The following COL21A1 variants were observed in gnomAD, a reference collection of about 807,000 sequenced individuals.
The protein encoded by COL21A1 is collagen alpha-1(XXI) chain.
COL21A1 carries 149 observed loss-of-function variants against 137.9 expected under a neutral mutation model. That is an observed-to-expected ratio of 1.08 (90% CI 0.95 to 1.24). The LOEUF is 1.24. Ranked by LOEUF, COL21A1 falls within the 50% of genes most tolerant of loss-of-function variation. The pLI is 0.00. For synonymous variants in COL21A1, 456 were observed against 391.5 expected, an observed-to-expected ratio of 1.16 and a Z score of -1.95; for missense variants, 1,167 against 1,158.4, an observed-to-expected ratio of 1.01 and a Z score of -0.11.
intron 17 of COL21A1, among the ~76,000 whole-genome samples, chr6:56,093,715 G>T (rs56124206): frequency 2.6e-5 from 4 of 152,054 alleles, no homozygotes; most frequent in Non-Finnish European, 5.9e-5. Context: ...AATTTTGAGC[G>T]TCCAACAGCC....
intron 21 of COL21A1, 59 bp from the exon 22 acceptor site, chr6:56,069,176 T>C: frequency 9.1e-7 from 1 of 1,100,004 alleles, no homozygotes; most frequent in Admixed American, 2.6e-5. Flanking sequence ...AAAGCACCAC[T>C]GTTTTTATCT....
intron 1 of COL21A1, among the ~76,000 whole-genome samples, chr6:56,293,422 T>C (rs2152335988): frequency 6.6e-6 from 1 of 152,200 alleles, no homozygotes; most frequent in South Asian, 2.1e-4. Flanking sequence ...ATGAATGAGC[T>C]GATGAATAAA....
intron 3 of COL21A1, among the ~76,000 whole-genome samples, chr6:56,175,546 TA>T (rs1336023886): frequency 1.3e-5 from 2 of 151,738 alleles, no homozygotes; most frequent in African/African-American, 4.8e-5. Flanking sequence ...TTATAAAACA[TA>T]AAAATAAAAT....
At chr6:56,293,678 A>G (rs1330624538) in intron 1 of COL21A1, among the ~76,000 whole-genome samples, 1 of 152,152 alleles carries the variant, frequency 6.6e-6, no homozygotes, top group African/African-American at 2.4e-5. Context: ...TGCCAAAAAT[A>G]TCTTATGGGA....
intron 5 of COL21A1, among the ~76,000 whole-genome samples, chr6:56,169,028 C>A (rs749246041): frequency 6.6e-6 from 1 of 151,962 alleles, no homozygotes; most frequent in Non-Finnish European, 1.5e-5. Flanking sequence ...TTCTTGACCC[C>A]ATTTCCCTAC....
chr6:56,057,359 AACTG>A lies in COL21A1; in HGVS notation c.*294_*297del, dbSNP rs1484096171. 5.7e-6 allele frequency: 2 copies of A among 349,250 alleles called. No homozygotes were observed. The highest frequency in any genetic ancestry group is 1.0e-5 in the Non-Finnish European group (2 of 190,528). 21.6% of individuals were successfully genotyped at this position (349,250 alleles called of 1,614,324 possible). A position where few individuals can be genotyped will look rare whatever the true frequency, so the allele number is the denominator to read the frequency against. ...ATGTGAAATATTTCACAGTGACTAA[AACTG>A]ACTGGCTAACAGGCAATGGTGGATT... is the stretch of plus-strand genomic sequence containing the variant. On this transcript the variant is annotated 3_prime_UTR_variant, in exon 30 of 30. Coordinates refer to ENST00000244728, the MANE Select transcript of COL21A1 (RefSeq NM_030820.4).
At chr6:56,389,998 C>A (rs1445057752) in intron 1 of COL21A1, among the ~76,000 whole-genome samples, 1 of 152,096 alleles carries the variant, frequency 6.6e-6, no homozygotes, top group Non-Finnish European at 1.5e-5. Context: ...GTATAAAACG[C>A]ACTGGTAATA....
chr6:56,216,565 A>G (rs1381082181), intron 1 of COL21A1, among the ~76,000 whole-genome samples: 1 of 152,134 alleles, frequency 6.6e-6, no homozygotes, highest in East Asian at 1.9e-4. Context: ...CATGGGAATC[A>G]TCAAAAGAAA....
intron 17 of COL21A1, among the ~76,000 whole-genome samples, chr6:56,094,232 T>C (rs1467005706): frequency 6.6e-6 from 1 of 152,198 alleles, no homozygotes; most frequent in Non-Finnish European, 1.5e-5. Flanking sequence ...TTAGAAGTCT[T>C]ACTTTCCACA....
intron 10 of COL21A1, among the ~76,000 whole-genome samples, chr6:56,142,246 T>G (rs1333131465): frequency 6.6e-6 from 1 of 152,110 alleles, no homozygotes; most frequent in Non-Finnish European, 1.5e-5. Flanking sequence ...AGAGGAGAGT[T>G]AATGTTCACA....
intron 1 of COL21A1, among the ~76,000 whole-genome samples, chr6:56,354,881 C>A (rs1238551334): frequency 6.6e-6 from 1 of 152,026 alleles, no homozygotes; most frequent in East Asian, 1.9e-4. Context: ...ATGATATATA[C>A]AATGGAAGAA....
intron 1 of COL21A1, among the ~76,000 whole-genome samples, chr6:56,185,686 C>T (rs1337802347): frequency 6.6e-6 from 1 of 151,910 alleles, no homozygotes; most frequent in African/African-American, 2.4e-5. Context: ...CCACCCGCCT[C>T]GGCCTCCCAA....
chr6:56,346,311 T>A (rs1391069257), intron 1 of COL21A1, among the ~76,000 whole-genome samples: 1 of 152,218 alleles, frequency 6.6e-6, no homozygotes, highest in African/African-American at 2.4e-5. Context: ...GGTTTGCCTA[T>A]TCCTCAAATT....
At chr6:56,267,443 G>A (rs963842652) in intron 1 of COL21A1, among the ~76,000 whole-genome samples, 1 of 152,098 alleles carries the variant, frequency 6.6e-6, no homozygotes, top group African/African-American at 2.4e-5. Context: ...AAAAACCTGG[G>A]TCCCCAAACA....
At chr6:56,074,131 T>A (rs1057476413) in intron 20 of COL21A1, 101 bp downstream of exon 20, 3 of 749,672 alleles carry the variant, frequency 4.0e-6, no homozygotes, top group Non-Finnish European at 6.4e-6. Flanking sequence ...AAAAACCACA[T>A]TTAAAATACA....
At chr6:56,373,641 A>G in intron 1 of COL21A1, among the ~76,000 whole-genome samples, 1 of 152,194 alleles carries the variant, frequency 6.6e-6, no homozygotes, top group South Asian at 2.1e-4. Flanking sequence ...GACATATAAA[A>G]TTGTACCTAT....
chr6:56,144,694 C>A (rs903382890), intron 10 of COL21A1, among the ~76,000 whole-genome samples: 6 of 152,168 alleles, frequency 3.9e-5, no homozygotes, highest in Non-Finnish European at 8.8e-5. Flanking sequence ...ATTAAAACAA[C>A]TTGGAGATGC....
intron 25 of COL21A1, 38 bp downstream of exon 25, chr6:56,061,610 GA>G: frequency 6.7e-7 from 1 of 1,485,168 alleles, no homozygotes; most frequent in Non-Finnish European, 9.3e-7. Flanking sequence ...AAGGACCGAA[GA>G]AAGAGAGCAA....
At chr6:56,281,938 T>C (rs1476170065) in intron 1 of COL21A1, among the ~76,000 whole-genome samples, 3 of 152,168 alleles carry the variant, frequency 2.0e-5, no homozygotes, top group African/African-American at 7.2e-5. Flanking sequence ...AAACAGTGAA[T>C]TCCAGAAAAA....
Sources: allele counts gnomAD v4.1 joint callset (sites outside exome capture counted in the v4.1 genomes callset), GRCh38; gene constraint gnomAD v4.1.1; transcripts MANE v1.5; gene names NCBI Gene and HGNC (gene_info 2026-07-23, HGNC 2026-07-21).